SRRM3: variants seen among roughly 807,000 people sequenced by gnomAD.
SRRM3 encodes serine/arginine repetitive matrix 3, also known as serine/arginine repetitive matrix protein 3.
SRRM3 carries 27 observed loss-of-function variants against 66.2 expected under a neutral mutation model. That is an observed-to-expected ratio of 0.41 (90% CI 0.30 to 0.56). The LOEUF (loss-of-function observed/expected upper bound fraction) is 0.56. Ranked by LOEUF, SRRM3 falls within the 20% of genes least tolerant of loss-of-function variation. The probability of loss-of-function intolerance (pLI) is 0.32; values close to 1 mark genes in which losing one functional copy is unlikely to be tolerated. For missense variants in SRRM3, 918 were observed against 991.9 expected (o/e 0.93, Z 1.00); for synonymous variants, 391 against 414.9 (o/e 0.94, Z 0.70).
chr7:76,211,511 G>T (rs1230913972), intron 1 of SRRM3, among the ~76,000 whole-genome samples: 1 of 152,200 alleles, frequency 6.6e-6, no homozygotes, highest in Non-Finnish European at 1.5e-5. Flanking sequence ...GTAAGTGCAT[G>T]GCCAGAGCTG....
At chr7:76,237,909 G>A (rs782256001) in intron 2 of SRRM3, among the ~76,000 whole-genome samples, 27 of 151,766 alleles carry the variant, frequency 1.8e-4, no homozygotes, top group Middle Eastern at 3.4e-3. Context: ...ATTTGGCCAC[G>A]TCCTGGGTGT....
chr7:76,281,767 C>A lies in SRRM3; in HGVS notation c.1335C>A (p.Pro445=). The change falls in exon 12 of 15, where the codon CCC becomes CCA. Residue 445 remains proline, a synonymous_variant. Coordinates refer to ENST00000611745, the MANE Select transcript of SRRM3 (RefSeq NM_001110199.3). The stretch of plus-strand genomic sequence containing the variant: ...GCGCCCCCGGCCCCGGGCCCGAGCC[C>A]GGCTCTGAGCGAGGCCACGGCGGAC... ...GRGAPGPGPE[P]GSERGHGGHG... 7.2e-7 allele frequency: 1 copy of A among 1,385,382 alleles called. No individual in the cohort carries two copies. The allele number at this position is 1,385,382 out of a possible 1,614,324, so 85.8% of individuals were successfully genotyped here.
chr7:76,264,690 T>C (rs555146419), intron 8 of SRRM3, 75 bp from the exon 9 acceptor site: 1 of 1,496,154 alleles, frequency 6.7e-7, no homozygotes, highest in East Asian at 2.3e-5. Context: ...CACACCTGAG[T>C]ATACCCAGGC....
At chr7:76,275,116 A>G (rs1314110720) in intron 11 of SRRM3, among the ~76,000 whole-genome samples, 2 of 151,642 alleles carry the variant, frequency 1.3e-5, no homozygotes, top group African/African-American at 2.4e-5. Context: ...AAAAAAAAAA[A>G]AAAAAGAAAA....
At chr7:76,257,172 A>G (rs1275449210) in intron 3 of SRRM3, among the ~76,000 whole-genome samples, 5 of 152,098 alleles carry the variant, frequency 3.3e-5, no homozygotes, top group Non-Finnish European at 5.9e-5. Context: ...TTCAAGATGG[A>G]GTTGCTCTGG....
intron 2 of SRRM3, among the ~76,000 whole-genome samples, chr7:76,238,692 G>A (rs7779012): frequency 0.078 from 11,840 of 152,060 alleles, 564 homozygotes; most frequent in East Asian, 0.24. Context: ...ATGGATTCTC[G>A]CTGTGTCACC....
chr7:76,238,597 T>A (rs1361527445), intron 2 of SRRM3, among the ~76,000 whole-genome samples: 1 of 151,144 alleles, frequency 6.6e-6, no homozygotes, highest in Non-Finnish European at 1.5e-5. Context: ...GACGAGATGC[T>A]CCCACCCCAG....
At position 76,283,050 on chromosome 7, in the gene SRRM3, G is replaced by T; in HGVS notation, c.1682G>T (p.Arg561Leu). 1.3e-6 allele frequency: 2 copies of T among 1,492,460 alleles called. No individual in the cohort carries two copies. Among genetic ancestry groups the T allele is most frequent in the South Asian group, 2.6e-5 (2 of 77,852 alleles). The allele number at this position is 1,492,460 out of a possible 1,614,324, so 92.5% of individuals were successfully genotyped here. ...RRRSRSYSPIRKRRRDSPSFM... is the reference protein window; with the variant it reads ...RRRSRSYSPILKRRRDSPSFM... ...CGCTCCCGCAGCTACTCGCCCATCCGCAAGCGGCGCCGGGACTCGCCAAGC... is the reference window on the plus strand; with the variant it reads ...CGCTCCCGCAGCTACTCGCCCATCCTCAAGCGGCGCCGGGACTCGCCAAGC... The change falls in exon 14 of 15, where the codon CGC (arginine) becomes CTC (leucine). Residue 561 changes from arginine (R) to leucine (L), a missense_variant. Coordinates refer to ENST00000611745, the MANE Select transcript of SRRM3 (RefSeq NM_001110199.3).
rs1802561377 is a variant in SRRM3, at chr7:76,282,806, C to T, written c.1529C>T (p.Ser510Leu). Reference sequence around the variant, plus strand: ...AGCCGCTCGCCCTCCAAATCTCGCTCGCGCTCTGCGGAGAAGCGGCCCCAC... The same window carrying T: ...AGCCGCTCGCCCTCCAAATCTCGCTTGCGCTCTGCGGAGAAGCGGCCCCAC... ...SSSRSPSKSR[S>L]RSAEKRPHSP... The change falls in exon 13 of 15, where the codon TCG becomes TTG. Residue 510 changes from serine (S) to leucine (L), a missense_variant. Ser to Leu is a moderately radical substitution (Grantham distance 145, BLOSUM62 -2). Coordinates refer to ENST00000611745, the MANE Select transcript of SRRM3 (RefSeq NM_001110199.3). 1 of 1,466,150 alleles carries T rather than the reference C, an allele frequency of 6.8e-7. No homozygotes were observed. The highest frequency in any genetic ancestry group is 9.0e-7 in the Non-Finnish European group (1 of 1,114,996). 90.8% of individuals were successfully genotyped at this position (1,466,150 alleles called of 1,614,324 possible).
At chr7:76,252,609 G>A (rs1184486241) in intron 3 of SRRM3, among the ~76,000 whole-genome samples, 2 of 151,838 alleles carry the variant, frequency 1.3e-5, no homozygotes, top group South Asian at 2.1e-4. Flanking sequence ...GTGAGCCACC[G>A]GGCCTGGCCT....
chr7:76,248,034 A>T lies in SRRM3; in HGVS notation c.234-154A>T, dbSNP rs530212778. Among the ~76,000 whole-genome samples the T allele has an allele frequency of 3.9e-5, 6 of 152,286 alleles. 1 individual carries two copies. In the South Asian group the frequency reaches 1.0e-3, roughly 26 times the overall value. ...TGAACTTGAGCTTCCTCAGTGCTGA[A>T]GACCTGGCTTGATCTGTGACCTTGG... is the stretch of plus-strand genomic sequence containing the variant. On this transcript the variant is annotated intron_variant, in intron 2 of 14. Transcript: ENST00000611745.
chr7:76,221,536 A>G lies in SRRM3; in HGVS notation c.-39-13492A>G, dbSNP rs576209061. Among the ~76,000 whole-genome samples, 24 of 149,464 alleles carry G rather than the reference A, an allele frequency of 1.6e-4. 1 individual carries two copies. In the South Asian group the frequency reaches 5.1e-3, roughly 32 times the overall value. ...CACCACCACGCCCAGCTAATTTTTC[A>G]TATTTTTAGTAGAGACGGGGTTTCA... is the stretch of plus-strand genomic sequence containing the variant. On this transcript the variant is annotated intron_variant, in intron 1 of 14. Transcript: ENST00000611745.
chr7:76,283,939 C>A (rs1469961604), intron 14 of SRRM3: 1 of 600,114 alleles, frequency 1.7e-6, no homozygotes, highest in Non-Finnish European at 2.1e-6. Context: ...AACTCTGCCA[C>A]TGCCTTGCTG....
chr7:76,266,429 T>C (rs1554609684), intron 10 of SRRM3, among the ~76,000 whole-genome samples: 1 of 112,098 alleles, frequency 8.9e-6, no homozygotes, highest in African/African-American at 3.8e-5. Flanking sequence ...TATATCTATA[T>C]ATAAATATAG....
chr7:76,263,378 G>A (rs1221471176), intron 8 of SRRM3, among the ~76,000 whole-genome samples: 3 of 152,210 alleles, frequency 2.0e-5, no homozygotes, highest in Non-Finnish European at 4.4e-5. Context: ...GCACCAGGGA[G>A]GATGGGGCTG....
At chr7:76,223,825 C>G (rs560015375) in intron 1 of SRRM3, among the ~76,000 whole-genome samples, 13 of 12,878 alleles carry the variant, frequency 1.0e-3, no homozygotes, top group South Asian at 3.8e-3. Flanking sequence ...CTTTTGCCTT[C>G]CCTTCCCTTC....
At chr7:76,235,980 T>A (rs1341229548) in intron 2 of SRRM3, among the ~76,000 whole-genome samples, 3 of 111,544 alleles carry the variant, frequency 2.7e-5, no homozygotes, top group Non-Finnish European at 3.3e-5. Context: ...CACTCCAGCC[T>A]GGGCAACAGA....
chr7:76,254,445 A>G (rs1801655815), intron 3 of SRRM3, among the ~76,000 whole-genome samples: 1 of 152,058 alleles, frequency 6.6e-6, no homozygotes, highest in African/African-American at 2.4e-5. Context: ...CAGCCTCCTG[A>G]GTAGCTGGGA....
chr7:76,231,785 T>G (rs1208966483), intron 1 of SRRM3, among the ~76,000 whole-genome samples: 2 of 152,200 alleles, frequency 1.3e-5, no homozygotes, highest in African/African-American at 4.8e-5. Context: ...GAATGACTCA[T>G]CCTTCCTGGA....
Sources: allele counts gnomAD v4.1 joint callset (sites outside exome capture counted in the v4.1 genomes callset), GRCh38; gene constraint gnomAD v4.1.1; transcripts MANE v1.5; gene names NCBI Gene and HGNC (gene_info 2026-07-23, HGNC 2026-07-21).